The following LARGE1 variants were observed in gnomAD, a reference collection of about 807,000 sequenced individuals.
LARGE1 encodes LARGE xylosyl- and glucuronyltransferase 1.
LARGE1 carries 43 observed loss-of-function variants against 87.6 expected under a neutral mutation model. That is an observed-to-expected ratio of 0.49 (90% CI 0.38 to 0.63). LARGE1 has a LOEUF of 0.63. Among genes scored for constraint, LARGE1 ranks in the 30% least tolerant of loss-of-function variants. The pLI is 0.00. For missense variants in LARGE1, 802 were observed against 1,000.2 expected, an observed-to-expected ratio of 0.80 and a Z score of 2.67; for synonymous variants, 434 against 394.6, an observed-to-expected ratio of 1.10 and a Z score of -1.18.
intron 6 of LARGE1, among the ~76,000 whole-genome samples, chr22:33,560,394 G>A (rs1229377581): frequency 6.6e-6 from 1 of 152,152 alleles, no homozygotes; most frequent in East Asian, 1.9e-4. Context: ...GCCCATGTAC[G>A]CTGGATAGTT....
intron 3 of LARGE1, among the ~76,000 whole-genome samples, chr22:33,640,921 G>C (rs2080409589): frequency 6.6e-6 from 1 of 152,124 alleles, no homozygotes; most frequent in Admixed American, 6.5e-5. Context: ...TCCAGTCAGG[G>C]GCTTATAGAT....
chr22:33,226,726 ATT>A (rs1011361782), intron 11 of LARGE1, among the ~76,000 whole-genome samples: 1 of 115,072 alleles, frequency 8.7e-6, no homozygotes, highest in Admixed American at 8.4e-5. Context: ...TATTATTATT[ATT>A]TATTATTATT....
chr22:33,411,530 G>A (rs568870066), intron 7 of LARGE1, among the ~76,000 whole-genome samples: 1 of 152,222 alleles, frequency 6.6e-6, no homozygotes, highest in East Asian at 1.9e-4. Flanking sequence ...ATTTTATCTC[G>A]ATTGTAAACT....
At chr22:33,882,045 G>GTTT (rs3216428) in intron 1 of LARGE1, among the ~76,000 whole-genome samples, 14 of 130,858 alleles carry the variant, frequency 1.1e-4, no homozygotes, top group African/African-American at 2.0e-4. Context: ...GTTTTTTTTT[G>GTTT]TTTTTTTTTT....
At chr22:33,269,949 G>C (rs1034381311), downstream of LARGE1, among the ~76,000 whole-genome samples, 1 of 150,622 alleles carries the variant, frequency 6.6e-6, no homozygotes, top group African/African-American at 2.5e-5. Flanking sequence ...AGCTTGCAGT[G>C]AGCCGAGATC....
intron 11 of LARGE1, among the ~76,000 whole-genome samples, chr22:33,315,712 C>T (rs1936078458): frequency 6.6e-6 from 1 of 152,088 alleles, no homozygotes; most frequent in Non-Finnish European, 1.5e-5. Flanking sequence ...TCACTGCAAC[C>T]TCTGCCTCTT....
chr22:33,570,200 C>T (rs1336453325), intron 5 of LARGE1, among the ~76,000 whole-genome samples: 1 of 152,128 alleles, frequency 6.6e-6, no homozygotes, highest in African/African-American at 2.4e-5. Flanking sequence ...AGCATCCAGC[C>T]TCATGCGGGG....
chr22:33,772,603 A>T (rs1488986332), intron 1 of LARGE1, among the ~76,000 whole-genome samples: 1 of 152,078 alleles, frequency 6.6e-6, no homozygotes, highest in Non-Finnish European at 1.5e-5. Context: ...CTGTCAACTC[A>T]GAGAACTCTT....
chr22:33,837,772 C>A (rs1333625221), intron 1 of LARGE1, among the ~76,000 whole-genome samples: 1 of 152,210 alleles, frequency 6.6e-6, no homozygotes, highest in East Asian at 1.9e-4. Flanking sequence ...CCCAAATGAG[C>A]CTCAGGTGTG....
intron 9 of LARGE1, among the ~76,000 whole-genome samples, chr22:33,352,646 C>T (rs1940499790): frequency 6.6e-6 from 1 of 152,002 alleles, no homozygotes; most frequent in Non-Finnish European, 1.5e-5. Flanking sequence ...GTAATCCCAG[C>T]TACTTGGGAG....
chr22:33,527,743 A>T (rs2071986564), intron 6 of LARGE1, among the ~76,000 whole-genome samples: 1 of 152,120 alleles, frequency 6.6e-6, no homozygotes, highest in Non-Finnish European at 1.5e-5. Context: ...CCTTGACCAG[A>T]ACAAACCATA....
intron 1 of LARGE1, among the ~76,000 whole-genome samples, chr22:33,879,229 G>A (rs1001017698): frequency 2.0e-5 from 3 of 152,198 alleles, no homozygotes; most frequent in African/African-American, 7.2e-5. Flanking sequence ...GCCTCCCAAA[G>A]TGGTGGGATT....
chr22:33,296,850 T>C (rs1348991575), intron 12 of LARGE1, among the ~76,000 whole-genome samples: 1 of 152,180 alleles, frequency 6.6e-6, no homozygotes, highest in Non-Finnish European at 1.5e-5. Context: ...ACTACAGGTA[T>C]AAGCCACTGC....
Position 33,543,159 on chromosome 22 carries a change from A to G in LARGE1, c.787+21689T>C, listed in dbSNP as rs557237073. On this transcript the variant is annotated intron_variant, in intron 6 of 14. Transcript: ENST00000397394. Reference sequence around the variant, plus strand: ...TTTTTAATTGATCTCCCAGTAAGGCACACACCTAATTGGCTTGAATGGTGA... The same window carrying G: ...TTTTTAATTGATCTCCCAGTAAGGCGCACACCTAATTGGCTTGAATGGTGA... Among the ~76,000 whole-genome samples the G allele has an allele frequency of 1.2e-4, 18 of 152,166 alleles. No homozygotes were observed. The South Asian group carries it at 3.3e-3, about 28-fold the overall frequency.
chr22:33,435,751 A>T (rs2067247128), intron 6 of LARGE1, among the ~76,000 whole-genome samples: 1 of 152,172 alleles, frequency 6.6e-6, no homozygotes, highest in South Asian at 2.1e-4. Flanking sequence ...AATAATATCC[A>T]AATTGCTCTT....
chr22:33,248,641 TATA>T (rs1237688413), intron 11 of LARGE1, among the ~76,000 whole-genome samples: 3 of 152,236 alleles, frequency 2.0e-5, no homozygotes, highest in Non-Finnish European at 4.4e-5. Context: ...GGAAAAAATG[TATA>T]ATGACATGTA....
At chr22:33,332,191 T>C (rs1276130592) in intron 10 of LARGE1, among the ~76,000 whole-genome samples, 5 of 152,142 alleles carry the variant, frequency 3.3e-5, no homozygotes, top group South Asian at 2.1e-4. Flanking sequence ...TTGCTACATG[T>C]TGTGGGAGGG....
intron 6 of LARGE1, among the ~76,000 whole-genome samples, chr22:33,528,862 T>C (rs1301526728): frequency 6.6e-6 from 1 of 152,222 alleles, no homozygotes; most frequent in East Asian, 1.9e-4. Context: ...TAGGATTTTA[T>C]TTTTATTTCT....
chr22:33,529,205 G>A (rs1357033564), intron 6 of LARGE1, among the ~76,000 whole-genome samples: 1 of 152,076 alleles, frequency 6.6e-6, no homozygotes, highest in African/African-American at 2.4e-5. Context: ...GAAATGGTGA[G>A]CCCTCTCTAA....
Sources: allele counts gnomAD v4.1 joint callset (sites outside exome capture counted in the v4.1 genomes callset), GRCh38; gene constraint gnomAD v4.1.1; transcripts MANE v1.5; gene names NCBI Gene and HGNC (gene_info 2026-07-23, HGNC 2026-07-21).